Variants in PTGER3 observed in about 807,000 individuals in gnomAD.
PTGER3 encodes the protein prostaglandin E receptor 3, also known as prostaglandin E2 receptor EP3 subtype.
A neutral mutation model predicts 34.7 loss-of-function variants in PTGER3; 22 were observed. The ratio of observed to expected loss-of-function variants is 0.63; its 90% CI spans 0.45 to 0.91. The LOEUF (loss-of-function observed/expected upper bound fraction) is 0.91. Ranked by LOEUF, PTGER3 falls within the 40% of genes least tolerant of loss-of-function variation. The pLI, the probability that PTGER3 is intolerant of heterozygous loss-of-function variation, is 0.00. For missense variants in PTGER3, 468 were observed against 519.4 expected, an observed-to-expected ratio of 0.90 and a Z score of 0.96; for synonymous variants, 241 against 230.1, an observed-to-expected ratio of 1.05 and a Z score of -0.43.
chr1:70,852,483 A>G (rs189248239), exon 5 of PTGER3: 2 of 317,384 alleles, frequency 6.3e-6, no homozygotes, highest in East Asian at 1.7e-4. Flanking sequence ...GGAATACTCT[A>G]TAGCGGTTAA....
At chr1:71,021,513 A>T (rs1278755657) in intron 1 of PTGER3, among the ~76,000 whole-genome samples, 1 of 149,650 alleles carries the variant, frequency 6.7e-6, no homozygotes, top group East Asian at 1.9e-4. Context: ...AAGTTAGAAG[A>T]GTTATCTTTA....
chr1:70,924,006 C>T (rs1647807947), intron 4 of PTGER3, among the ~76,000 whole-genome samples: 1 of 152,078 alleles, frequency 6.6e-6, no homozygotes, highest in Admixed American at 6.6e-5. Flanking sequence ...TGGCCTCACA[C>T]CTTGACTACA....
chr1:70,904,565 G>T (rs187596846), intron 4 of PTGER3, among the ~76,000 whole-genome samples: 126 of 152,286 alleles, frequency 8.3e-4, no homozygotes, highest in African/African-American at 2.6e-3. Context: ...GAGCAAATGT[G>T]ACTCTTGTTA....
chr1:70,946,797 T>C (rs1650267080), intron 4 of PTGER3, among the ~76,000 whole-genome samples: 1 of 152,158 alleles, frequency 6.6e-6, no homozygotes, highest in South Asian at 2.1e-4. Flanking sequence ...TTCAGTTCAT[T>C]TGGCTGGGGT....
At chr1:70,989,973 A>G (rs761127551) in intron 2 of PTGER3, among the ~76,000 whole-genome samples, 2 of 152,076 alleles carry the variant, frequency 1.3e-5, no homozygotes, top group African/African-American at 2.4e-5. Flanking sequence ...AAATATATAC[A>G]TACATGTATG....
intron 2 of PTGER3, among the ~76,000 whole-genome samples, chr1:70,965,256 T>C (rs1469209176): frequency 5.3e-5 from 8 of 152,024 alleles, no homozygotes; most frequent in Admixed American, 5.2e-4. Flanking sequence ...CAGGAAAATA[T>C]TAAAGATGTT....
chr1:71,032,005 G>A (rs1233238823), intron 1 of PTGER3, among the ~76,000 whole-genome samples: 1 of 152,102 alleles, frequency 6.6e-6, no homozygotes, highest in Non-Finnish European at 1.5e-5. Flanking sequence ...GTCTATTCTT[G>A]GAGAAAATTA....
At position 71,009,100 on chromosome 1, in the gene PTGER3, C is replaced by T. The variant is rs906116720; in HGVS notation, c.1077+3205G>A. 16 of 984,808 alleles carry T rather than the reference C, an allele frequency of 1.6e-5. No individual in the cohort carries two copies. The African/African-American group carries it at 2.6e-4, about 16-fold the overall frequency. The allele number at this position is 984,808 out of a possible 1,614,324, so 61.0% of individuals were successfully genotyped here. On this transcript the variant is annotated intron_variant, in intron 2 of 3. Coordinates refer to ENST00000306666, the MANE Select transcript of PTGER3 (RefSeq NM_198719.2). ...ACCAATAATTTGGAGTCAAAAAGAA[C>T]AAAATTATAAAAAGCGTTGAATAAA...
chr1:70,991,664 CT>C (rs2100773023), intron 2 of PTGER3, among the ~76,000 whole-genome samples: 1 of 152,260 alleles, frequency 6.6e-6, no homozygotes, highest in African/African-American at 2.4e-5. Flanking sequence ...CCTCCCAGCC[CT>C]TCGTGTCTTT....
rs549767413 is a variant in PTGER3 at position 71,026,390 on chromosome 1, T to C, written c.898-13906A>G. Among the ~76,000 whole-genome samples, 15 of 152,346 alleles carry C rather than the reference T, an allele frequency of 9.8e-5. No individual in the cohort carries two copies. The South Asian group carries it at 3.1e-3, about 32-fold the overall frequency. On this transcript the variant is annotated intron_variant, in intron 1 of 3. Coordinates refer to ENST00000306666, the MANE Select transcript of PTGER3 (RefSeq NM_198719.2). ...TGCCATGCGATATTTATATTACTCA[T>C]TGTAAACTTTAGTTTCCGAAACTTC... is the stretch of plus-strand genomic sequence containing the variant.
chr1:70,887,401 T>C (rs1646520938), intron 4 of PTGER3, among the ~76,000 whole-genome samples: 1 of 152,214 alleles, frequency 6.6e-6, no homozygotes, highest in Admixed American at 6.5e-5. Context: ...TGGTTATGCT[T>C]ATTACAGTTC....
At chr1:70,996,727 G>C (rs1656003500) in intron 2 of PTGER3, among the ~76,000 whole-genome samples, 2 of 140,090 alleles carry the variant, frequency 1.4e-5, no homozygotes, top group African/African-American at 5.4e-5. Context: ...GCAGTGGCGA[G>C]ATCTCGGCTC....
intron 2 of PTGER3, among the ~76,000 whole-genome samples, chr1:70,999,861 C>T (rs1231638330): frequency 6.6e-6 from 1 of 152,218 alleles, no homozygotes; most frequent in Non-Finnish European, 1.5e-5. Context: ...TCTGTACAAC[C>T]ATCTGCTGCC....
At chr1:70,980,602 C>T (rs1401903026) in intron 2 of PTGER3, among the ~76,000 whole-genome samples, 1 of 152,164 alleles carries the variant, frequency 6.6e-6, no homozygotes, top group African/African-American at 2.4e-5. Flanking sequence ...CACCAATGCA[C>T]TCCAGCCTGG....
At chr1:70,935,941 A>G (rs934311026) in intron 4 of PTGER3, among the ~76,000 whole-genome samples, 1 of 152,144 alleles carries the variant, frequency 6.6e-6, no homozygotes, top group Non-Finnish European at 1.5e-5. Flanking sequence ...TGGTCTTTTC[A>G]CAGGGAGTTA....
chr1:70,908,814 A>C (rs2100379382), intron 4 of PTGER3, among the ~76,000 whole-genome samples: 1 of 152,344 alleles, frequency 6.6e-6, no homozygotes, highest in African/African-American at 2.4e-5. Context: ...TTAAGTCCTT[A>C]CTATATACTA....
intron 1 of PTGER3, among the ~76,000 whole-genome samples, chr1:71,024,570 C>T (rs1658713231): frequency 6.6e-6 from 1 of 151,800 alleles, no homozygotes; most frequent in East Asian, 1.9e-4. Context: ...TATAGTGCAT[C>T]CTGCCCATTT....
intron 4 of PTGER3, among the ~76,000 whole-genome samples, chr1:70,930,655 G>A (rs1648596610): frequency 2.0e-5 from 3 of 152,092 alleles, no homozygotes; most frequent in Admixed American, 2.0e-4. Context: ...GAGAAAATGA[G>A]GAAGGTACAA....
downstream of PTGER3, among the ~76,000 whole-genome samples, chr1:70,950,439 T>C (rs1177652398): frequency 2.0e-5 from 3 of 152,154 alleles, no homozygotes; most frequent in Admixed American, 6.6e-5. Flanking sequence ...TTCCTTCACC[T>C]CACTGGGTCA....
Sources: allele counts gnomAD v4.1 joint callset (sites outside exome capture counted in the v4.1 genomes callset), GRCh38; gene constraint gnomAD v4.1.1; transcripts MANE v1.5; gene names NCBI Gene and HGNC (gene_info 2026-07-23, HGNC 2026-07-21).